The following PTGDR variants were observed in gnomAD, a reference collection of about 807,000 sequenced individuals.
PTGDR encodes the protein PGD2 receptor.
Under a neutral mutation model 17.4 loss-of-function variants are expected in PTGDR, and 19 were observed. The ratio of observed to expected loss-of-function variants is 1.09; its 90% CI spans 0.76 to 1.60. The LOEUF (loss-of-function observed/expected upper bound fraction) is 1.60, where lower values mean the gene tolerates loss of function less well. PTGDR is among the 40% of genes most tolerant of loss of function. PTGDR has a pLI of 0.00. For missense variants in PTGDR, 526 were observed against 481.9 expected (o/e 1.09, Z -0.86); for synonymous variants, 267 against 224.2 (o/e 1.19, Z -1.71).
At chr14:52,276,857 C>T (rs2033435607), downstream of PTGDR, 1 of 152,124 alleles carries the variant, frequency 6.6e-6, no homozygotes, top group Non-Finnish European at 1.5e-5. Context: ...CCGATTAACA[C>T]TTACATTACT....
At chr14:52,278,880 C>A (rs561486411), downstream of PTGDR, among the ~76,000 whole-genome samples, 6 of 151,826 alleles carry the variant, frequency 4.0e-5, no homozygotes, top group African/African-American at 1.4e-4. Flanking sequence ...TTAAAGTGAG[C>A]TTTCATTAGG....
downstream of PTGDR, among the ~76,000 whole-genome samples, chr14:52,277,385 CATAAGAGAAA>C (rs2033442643): frequency 6.6e-6 from 1 of 152,040 alleles, no homozygotes; most frequent in African/African-American, 2.4e-5. Context: ...AGAAAGTTTA[CATAAGAGAAA>C]ATACATATGG....
chr14:52,279,567 AC>A (rs1337497556), downstream of PTGDR, among the ~76,000 whole-genome samples: 2 of 152,152 alleles, frequency 1.3e-5, no homozygotes, highest in African/African-American at 4.8e-5. Flanking sequence ...AAAGCTGAGC[AC>A]ATAGGATGGG....
In PTGDR at chr14:52,268,447, C is replaced by T. The variant is rs1441959724; in HGVS notation, c.633C>T (p.Val211=). ...VLYSSLMALL[V]LATVLCNLGA... is the part of the protein sequence containing the mutation. ...ACTCCAGCCTCATGGCGCTGCTGGT[C>T]CTCGCCACCGTGCTGTGCAACCTCG... Residue 211 remains valine, a synonymous_variant, in exon 1 of 2, where the codon GTC becomes GTT. Coordinates refer to ENST00000306051, the MANE Select transcript of PTGDR (RefSeq NM_000953.3). 6.2e-7 allele frequency: 1 copy of T among 1,609,814 alleles called. No homozygotes were observed. Among genetic ancestry groups the T allele is most frequent in the South Asian group, 1.1e-5 (1 of 91,088 alleles).
Position 52,276,660 on chromosome 14 carries a change from TTAGGA to T in PTGDR, c.*1699_*1703del, listed in dbSNP as rs2033432523. On this transcript the variant is annotated 3_prime_UTR_variant, in exon 2 of 2. Transcript: ENST00000306051. ...TGTATTCTTTTTTTGGAGAGGTGTG[TTAGGA>T]TAATTGTCCAGTTAATTTGAAAAGG... 1 of 152,166 alleles carries T rather than the reference TTAGGA, an allele frequency of 6.6e-6. No homozygotes were observed. Among genetic ancestry groups the T allele is most frequent in the South Asian group, 2.1e-4 (1 of 4,824 alleles). The allele number at this position is 152,166 out of a possible 1,614,324, so 9.4% of individuals were successfully genotyped here. A position where few individuals can be genotyped will look rare whatever the true frequency, so the allele number is the denominator to read the frequency against.
chr14:52,271,673 T>A (rs879577510), intron 1 of PTGDR, among the ~76,000 whole-genome samples: 2 of 152,158 alleles, frequency 1.3e-5, no homozygotes, highest in Non-Finnish European at 2.9e-5. Context: ...CCTTAAAAGG[T>A]CTAGAAAACA....
Position 52,274,846 on chromosome 14 carries a change from G to T in PTGDR, c.962G>T (p.Trp321Leu). The T allele has an allele frequency of 6.2e-7, 1 of 1,610,410 alleles. No individual in the cohort carries two copies. Among genetic ancestry groups the T allele is most frequent in the Non-Finnish European group, 8.5e-7 (1 of 1,176,734 alleles). ...FLSVISIVDP[W>L]IFIIFRSPVF... The stretch of plus-strand genomic sequence containing the variant: ...TCTGTGATTTCAATTGTGGACCCTT[G>T]GATTTTTATCATTTTCAGATCTCCA... The change falls in exon 2 of 2, where the codon TGG becomes TTG. Residue 321 changes from tryptophan (W) to leucine (L), a missense_variant. Coordinates refer to ENST00000306051, the MANE Select transcript of PTGDR (RefSeq NM_000953.3).
rs200368999 is a variant in PTGDR, at chr14:52,276,603, A to G, written c.*1639A>G. ...GTACCTTCAATGTGTAAGTACATGC[A>G]TGTTTTATTGTCAGAGGAAGAACAT... On this transcript the variant is annotated 3_prime_UTR_variant, in exon 2 of 2. Coordinates refer to ENST00000306051, the MANE Select transcript of PTGDR (RefSeq NM_000953.3). 1.3e-5 allele frequency: 2 copies of G among 152,202 alleles called. No homozygotes were observed. Among genetic ancestry groups the G allele is most frequent in the Non-Finnish European group, 2.9e-5 (2 of 68,024 alleles). 9.4% of individuals were successfully genotyped at this position (152,202 alleles called of 1,614,324 possible).
At chr14:52,269,451 G>A (rs1400511584) in intron 1 of PTGDR, 4 of 1,530,536 alleles carry the variant, frequency 2.6e-6, no homozygotes, top group South Asian at 2.4e-5. Context: ...CATTTTGAAG[G>A]CATTTGTTCC....
At chr14:52,269,604 C>G in intron 1 of PTGDR, 1 of 1,298,920 alleles carries the variant, frequency 7.7e-7, no homozygotes, top group South Asian at 1.4e-5. Context: ...TTCTCGAAAT[C>G]CTGAGACTTC....
chr14:52,269,468 C>G, intron 1 of PTGDR: 1 of 1,534,802 alleles, frequency 6.5e-7, no homozygotes, highest in Non-Finnish European at 8.7e-7. Flanking sequence ...TTCCTGGAGT[C>G]CCCGCCAAGA....
At position 52,268,335 on chromosome 14, in the gene PTGDR, T is replaced by C; in HGVS notation, c.521T>C (p.Phe174Ser). The change falls in exon 1 of 2, where the codon TTC (phenylalanine) becomes TCC (serine). Residue 174 changes from phenylalanine (F) to serine (S), a missense_variant. Physicochemically the swap from Phe to Ser is radical, Grantham distance 155. Coordinates refer to ENST00000306051, the MANE Select transcript of PTGDR (RefSeq NM_000953.3). ...CALPFMGFGK[F>S]VQYCPGTWCF... ...CTACCTTTCATGGGCTTCGGGAAGTTCGTGCAGTACTGCCCCGGCACCTGG... is the reference window on the plus strand; with the variant it reads ...CTACCTTTCATGGGCTTCGGGAAGTCCGTGCAGTACTGCCCCGGCACCTGG... 1 of 1,613,740 alleles carries C rather than the reference T, an allele frequency of 6.2e-7. No homozygotes were observed. Among genetic ancestry groups the C allele is most frequent in the East Asian group, 2.2e-5 (1 of 44,866 alleles).
rs756953831 is a variant in PTGDR, at chr14:52,268,562, G to A, written c.748G>A (p.Gly250Arg). 44 of 1,612,596 alleles carry A rather than the reference G, an allele frequency of 2.7e-5. No homozygotes were observed. The highest frequency in any genetic ancestry group is 1.8e-4 in the East Asian group (8 of 44,872). ...GGACTGTGCCGAGCCGCGCGCGGAC[G>A]GGAGGGAAGCGTCCCCTCAGCCCCT... ...TRDCAEPRAD[G>R]REASPQPLEE... The change falls in exon 1 of 2, where the codon GGG becomes AGG. Residue 250 changes from glycine to arginine, a missense_variant. By Grantham distance (125) the Gly-to-Arg change is moderately radical (BLOSUM62 -2). Coordinates refer to ENST00000306051, the MANE Select transcript of PTGDR (RefSeq NM_000953.3).
downstream of PTGDR, among the ~76,000 whole-genome samples, chr14:52,277,772 GT>G (rs1436107010): frequency 6.6e-6 from 1 of 152,126 alleles, no homozygotes; most frequent in Non-Finnish European, 1.5e-5. Context: ...AATCTCTTGG[GT>G]GGGGCCAGCA....
At chr14:52,274,253 A>G (rs708486) in intron 1 of PTGDR, among the ~76,000 whole-genome samples, 53,717 of 152,072 alleles carry the variant, frequency 0.35, 10,070 homozygotes, top group Middle Eastern at 0.43. Context: ...CTCCATACAT[A>G]TGACATTTCA....
At chr14:52,279,165 G>A (rs954306245), downstream of PTGDR, among the ~76,000 whole-genome samples, 3 of 152,094 alleles carry the variant, frequency 2.0e-5, no homozygotes, top group East Asian at 1.9e-4. Context: ...GTCCTAAAAT[G>A]TACGTCTATT....
intron 1 of PTGDR, among the ~76,000 whole-genome samples, chr14:52,270,304 T>G (rs1437785569): frequency 2.6e-5 from 4 of 152,136 alleles, no homozygotes; most frequent in Non-Finnish European, 4.4e-5. Context: ...TCACAGCACT[T>G]TGGGAGGCCG....
intron 1 of PTGDR, among the ~76,000 whole-genome samples, chr14:52,269,041 C>T (rs1462885860): frequency 6.6e-6 from 1 of 152,144 alleles, no homozygotes; most frequent in Non-Finnish European, 1.5e-5. Flanking sequence ...CTTCTACTTC[C>T]CGACGGCTGG....
rs199951303 is a variant in PTGDR at position 52,275,020 on chromosome 14, A to C, written c.*56A>C. ...AATATGTCACATTTTCAGTCAAAGA[A>C]CCATGATTAAAAAAAAAAAGACAAC... On this transcript the variant is annotated 3_prime_UTR_variant, in exon 2 of 2. Coordinates refer to ENST00000306051, the MANE Select transcript of PTGDR (RefSeq NM_000953.3). 5 of 1,298,172 alleles carry C rather than the reference A, an allele frequency of 3.9e-6. No homozygotes were observed. The East Asian group carries it at 7.5e-5, about 20-fold the overall frequency. The allele number at this position is 1,298,172 out of a possible 1,614,324, so 80.4% of individuals were successfully genotyped here. A position where few individuals can be genotyped will look rare whatever the true frequency, so the allele number is the denominator to read the frequency against.
Sources: gnomAD v4.1 joint callset for allele counts (sites outside exome capture counted in the v4.1 genomes callset) on GRCh38, gnomAD v4.1.1 for gene constraint, MANE v1.5 for transcripts, NCBI Gene and HGNC (gene_info 2026-07-23, HGNC 2026-07-21) for gene names.